ERICH1: variants seen among roughly 807,000 people sequenced by gnomAD.
ERICH1 encodes glutamate-rich protein 1.
In ERICH1, 56 loss-of-function variants were observed where a neutral mutation model predicts 39.6. The observed-to-expected ratio is 1.41, with a 90% confidence interval of 1.14 to 1.77. ERICH1 has a LOEUF of 1.77. Ranked by LOEUF, ERICH1 falls within the 40% of genes most tolerant of loss-of-function variation. The pLI is 0.00. For synonymous variants in ERICH1, 313 were observed against 223.6 expected (o/e 1.40, Z -3.57); for missense variants, 826 against 575.4 (o/e 1.44, Z -4.45).
chr8:657,668 C>T (rs1451914291), intron 3 of ERICH1, among the ~76,000 whole-genome samples: 1 of 151,104 alleles, frequency 6.6e-6, no homozygotes, highest in Non-Finnish European at 1.5e-5. Flanking sequence ...AGTTCATCTG[C>T]GTGGGTTTCA....
chr8:673,066 C>A (rs191743903), intron 4 of ERICH1, among the ~76,000 whole-genome samples: 2 of 152,374 alleles, frequency 1.3e-5, no homozygotes, highest in Admixed American at 1.3e-4. Flanking sequence ...GGGGCGCATG[C>A]CCATCCACAT....
At chr8:628,496 G>A (rs1797727636) in intron 3 of ERICH1, among the ~76,000 whole-genome samples, 1 of 152,240 alleles carries the variant, frequency 6.6e-6, no homozygotes, top group African/African-American at 2.4e-5. Context: ...CAGTCCCCAG[G>A]CAGCTGGCGA....
intron 2 of ERICH1, among the ~76,000 whole-genome samples, chr8:693,578 CT>C (rs1809445123): frequency 6.6e-6 from 1 of 151,740 alleles, no homozygotes; most frequent in Non-Finnish European, 1.5e-5. Context: ...CTGCTGGGAC[CT>C]CCCTGCTGTG....
intron 2 of ERICH1, among the ~76,000 whole-genome samples, 194 bp from the exon 3 acceptor site, chr8:692,806 A>G (rs541975210): frequency 6.6e-6 from 1 of 152,376 alleles, no homozygotes; most frequent in African/African-American, 2.4e-5. Flanking sequence ...CAGGTCAGCT[A>G]CACACCCAGC....
chr8:670,327 CTGCTCTT>C (rs1803011021), intron 4 of ERICH1, among the ~76,000 whole-genome samples: 1 of 144,958 alleles, frequency 6.9e-6, no homozygotes, highest in Non-Finnish European at 1.6e-5. Flanking sequence ...TGTGGCTCTA[CTGCTCTT>C]TTTTTCTCGT....
chr8:687,644 G>C (rs959643295), intron 3 of ERICH1, among the ~76,000 whole-genome samples: 1 of 152,160 alleles, frequency 6.6e-6, no homozygotes, highest in African/African-American at 2.4e-5. Context: ...GGCAGCGCGC[G>C]GGGAGCGCCC....
chr8:709,658 A>T (rs1814252877), intron 2 of ERICH1, among the ~76,000 whole-genome samples: 1 of 152,234 alleles, frequency 6.6e-6, no homozygotes, highest in African/African-American at 2.4e-5. Context: ...AAAAGACGTC[A>T]CCCAAAGGAT....
At chr8:690,898 C>G (rs540113757) in intron 3 of ERICH1, 6 of 152,478 alleles carry the variant, frequency 3.9e-5, no homozygotes, top group African/African-American at 1.2e-4. Context: ...CAGTTCTCAC[C>G]TCTGTGCTTA....
In ERICH1 at chr8:647,103, C is replaced by T. The variant is rs1432249237; in HGVS notation, c.976+21495G>A. On this transcript the variant is annotated intron_variant, in intron 3 of 3. Coordinates refer to the ERICH1 transcript ENST00000522706. The stretch of plus-strand genomic sequence containing the variant: ...TGAGGTAGCCTGTCCACGCAGGTGG[C>T]GGGAGTCATGCTCAGGCCCTTGGCG... Among the ~76,000 whole-genome samples, 4 of 68,452 alleles carry T rather than the reference C, an allele frequency of 5.8e-5. 2 individuals are homozygous for T. The highest frequency in any genetic ancestry group is 1.8e-4 in the Non-Finnish European group (4 of 22,074). The allele number at this position is 68,452 out of a possible 152,430, so 44.9% of individuals were successfully genotyped here. A position where few individuals can be genotyped will look rare whatever the true frequency, so the allele number is the denominator to read the frequency against.
chr8:698,925 G>A (rs1375177166), intron 2 of ERICH1, among the ~76,000 whole-genome samples: 2 of 149,330 alleles, frequency 1.3e-5, no homozygotes, highest in South Asian at 2.1e-4. Context: ...TTTAACCAGG[G>A]AGGCTCTCCA....
rs1405717033 is a variant in ERICH1 at position 699,883 on chromosome 8, A to G, written c.170-7271T>C. On this transcript the variant is annotated intron_variant, in intron 2 of 5. Coordinates refer to ENST00000262109, the MANE Select transcript of ERICH1 (RefSeq NM_207332.3). ...CGCACAGACCCTCACAGGCGCACAG[A>G]TCCGCACACGCGCACAGACCCGCAC... Among the ~76,000 whole-genome samples the G allele has an allele frequency of 4.0e-4, 42 of 103,978 alleles. 1 individual carries two copies. The highest frequency in any genetic ancestry group is 1.8e-3 in the South Asian group (5 of 2,768). The allele number at this position is 103,978 out of a possible 152,430, so 68.2% of individuals were successfully genotyped here. A position where few individuals can be genotyped will look rare whatever the true frequency, so the allele number is the denominator to read the frequency against.
chr8:718,589 T>C (rs1256181007), intron 1 of ERICH1, among the ~76,000 whole-genome samples: 4 of 152,224 alleles, frequency 2.6e-5, no homozygotes, highest in Non-Finnish European at 5.9e-5. Context: ...CAGCTGGCTT[T>C]AAATTCAGAG....
intron 2 of ERICH1, among the ~76,000 whole-genome samples, chr8:698,503 G>C (rs1016620117): frequency 2.0e-5 from 3 of 152,136 alleles, no homozygotes; most frequent in Non-Finnish European, 2.9e-5. Context: ...ACAGGTGAGA[G>C]CCACCGTGCC....
Position 651,723 on chromosome 8 carries a change from G to A in ERICH1, c.976+16875C>T, listed in dbSNP as rs113018833. 1.3e-4 allele frequency among the ~76,000 whole-genome samples: 19 copies of A among 149,000 alleles called. No individual in the cohort carries two copies. The South Asian group carries it at 1.7e-3, about 13-fold the overall frequency. On this transcript the variant is annotated intron_variant, in intron 3 of 3. Transcript: ENST00000522706. ...GAGAGAGGCTGAGACGGAGTGGGAG[G>A]GGGGAGAAGACTGAGGGGAGAGAGA...
At chr8:631,016 G>A (rs889154007) in intron 3 of ERICH1, among the ~76,000 whole-genome samples, 2 of 151,226 alleles carry the variant, frequency 1.3e-5, no homozygotes, top group African/African-American at 4.9e-5. Context: ...CGTGGACAGA[G>A]CTGACTCACA....
chr8:625,918 G>A (rs1797575990), intron 3 of ERICH1: 1 of 152,170 alleles, frequency 6.6e-6, no homozygotes, highest in Non-Finnish European at 1.5e-5. Context: ...TAATAAACTG[G>A]TCCAGATTTC....
rs1819933777 is a variant in ERICH1 at position 731,211 on chromosome 8, G to T, written c.-50C>A. On this transcript the variant is annotated 5_prime_UTR_variant, in exon 1 of 6. Coordinates refer to ENST00000262109, the MANE Select transcript of ERICH1 (RefSeq NM_207332.3). ...ACCACGGCGCGCGGTCCTGAGCTGAGCGCCGTGCCTTCCGGGTTCCGCCCT... is the reference window on the plus strand; with the variant it reads ...ACCACGGCGCGCGGTCCTGAGCTGATCGCCGTGCCTTCCGGGTTCCGCCCT... 3 of 1,422,056 alleles carry T rather than the reference G, an allele frequency of 2.1e-6. No homozygotes were observed. The highest frequency in any genetic ancestry group is 2.8e-6 in the Non-Finnish European group (3 of 1,089,352). 88.1% of individuals were successfully genotyped at this position (1,422,056 alleles called of 1,614,324 possible).
At chr8:656,822 G>A (rs4735899) in intron 3 of ERICH1, 233,488 of 985,174 alleles carry the variant, frequency 0.24, 29,306 homozygotes, top group Middle Eastern at 0.33. Flanking sequence ...CCCTCACTCT[G>A]AAGAGCCCCC....
intron 3 of ERICH1, among the ~76,000 whole-genome samples, chr8:657,562 C>A (rs1287140877): frequency 6.7e-6 from 1 of 150,152 alleles, no homozygotes. Flanking sequence ...TCAGTCCAGA[C>A]TGGCGCCATT....
Sources: gnomAD v4.1 joint callset for allele counts (sites outside exome capture counted in the v4.1 genomes callset) on GRCh38, gnomAD v4.1.1 for gene constraint, MANE v1.5 for transcripts, NCBI Gene and HGNC (gene_info 2026-07-23, HGNC 2026-07-21) for gene names.